The following PRKG1 variants were observed in gnomAD, a reference collection of about 807,000 sequenced individuals.
PRKG1 encodes the protein protein kinase cGMP-dependent 1, also known as cGMP-dependent protein kinase 1.
In PRKG1, 35 loss-of-function variants were observed where a neutral mutation model predicts 88.1. The observed-to-expected ratio is 0.40, with a 90% CI of 0.30 to 0.53. The LOEUF (loss-of-function observed/expected upper bound fraction) is 0.53, where lower values mean the gene tolerates loss of function less well. PRKG1 is among the 20% of genes least tolerant of loss of function. The probability of loss-of-function intolerance (pLI) is 0.59; values close to 1 mark genes in which losing one functional copy is unlikely to be tolerated. For missense variants in PRKG1, 540 were observed against 839.8 expected (o/e 0.64, Z 4.41); for synonymous variants, 303 against 292.5 (o/e 1.04, Z -0.37).
chr10:51,836,878 G>A lies in PRKG1; in HGVS notation c.698+32188G>A, dbSNP rs149311752. ...AGAGGGTTGTGTTGAAAGGGTGCAC[G>A]GAGCATTTTAAAAAAATTGCTTTAG... is the stretch of plus-strand genomic sequence containing the variant. On this transcript the variant is annotated intron_variant, in intron 4 of 17. Coordinates refer to ENST00000373980, the MANE Select transcript of PRKG1 (RefSeq NM_006258.4). Among the ~76,000 whole-genome samples, 33 of 152,230 alleles carry A rather than the reference G, an allele frequency of 2.2e-4. No individual in the cohort carries two copies. In the East Asian group the frequency reaches 5.2e-3, roughly 24 times the overall value.
intron 4 of PRKG1, among the ~76,000 whole-genome samples, chr10:51,815,753 C>T (rs1937718): frequency 0.21 from 32,604 of 152,006 alleles, 5,622 homozygotes; most frequent in African/African-American, 0.48. Flanking sequence ...TTTACCAAGG[C>T]GAACTCTTAA....
chr10:52,123,416 C>T (rs181624217), intron 7 of PRKG1, among the ~76,000 whole-genome samples: 66 of 152,144 alleles, frequency 4.3e-4, no homozygotes, highest in Admixed American at 1.2e-3. Flanking sequence ...GGTCATGTTA[C>T]GAGTCCATAT....
At chr10:51,489,818 G>T (rs1589011019) in intron 3 of PRKG1, among the ~76,000 whole-genome samples, 1 of 152,184 alleles carries the variant, frequency 6.6e-6, no homozygotes, top group South Asian at 2.1e-4. Context: ...AATAGGACAT[G>T]AACTGAAGAG....
intron 9 of PRKG1, among the ~76,000 whole-genome samples, chr10:52,185,704 C>A (rs952336729): frequency 5.9e-5 from 9 of 152,226 alleles, no homozygotes; most frequent in African/African-American, 1.9e-4. Context: ...TATACATCCT[C>A]TGAAATCTAG....
chr10:51,262,384 C>T (rs1193210043), intron 2 of PRKG1, among the ~76,000 whole-genome samples: 1 of 152,104 alleles, frequency 6.6e-6, no homozygotes, highest in African/African-American at 2.4e-5. Flanking sequence ...CACCATATGA[C>T]ATCCTTATCA....
At chr10:51,591,335 C>T (rs1838307638) in intron 3 of PRKG1, among the ~76,000 whole-genome samples, 1 of 152,172 alleles carries the variant, frequency 6.6e-6, no homozygotes, top group South Asian at 2.1e-4. Context: ...TCTACATTAT[C>T]ACAGATCAAA....
At chr10:51,347,183 G>A (rs369670282) in intron 2 of PRKG1, among the ~76,000 whole-genome samples, 2 of 151,518 alleles carry the variant, frequency 1.3e-5, no homozygotes, top group East Asian at 3.9e-4. Flanking sequence ...ATCAATAAGA[G>A]TCACTAGAAG....
chr10:52,138,968 G>A (rs61046355), intron 8 of PRKG1, among the ~76,000 whole-genome samples: 2,887 of 152,098 alleles, frequency 0.019, 86 homozygotes, highest in African/African-American at 0.056. Flanking sequence ...TAATAAAGTA[G>A]CAAATATATT....
intron 2 of PRKG1, among the ~76,000 whole-genome samples, chr10:51,154,109 T>A (rs2131976811): frequency 6.6e-6 from 1 of 152,158 alleles, no homozygotes; most frequent in Admixed American, 6.6e-5. Context: ...ATTAATGTTT[T>A]ATCCAAAACA....
rs562824783 is a variant in PRKG1, at chr10:51,990,080, G to C, written c.763-64404G>C. Among the ~76,000 whole-genome samples the C allele has an allele frequency of 6.6e-5, 10 of 152,160 alleles. No individual in the cohort carries two copies. The South Asian group carries it at 2.1e-3, about 32-fold the overall frequency. The stretch of plus-strand genomic sequence containing the variant: ...TTATTTCAACACTATTTATTGAAGA[G>C]ACTGCCCTTTCCTCACTGTACATTC... On this transcript the variant is annotated intron_variant, in intron 5 of 17. Coordinates refer to ENST00000373980, the MANE Select transcript of PRKG1 (RefSeq NM_006258.4).
intron 2 of PRKG1, among the ~76,000 whole-genome samples, chr10:51,313,182 G>A (rs866692682): frequency 1.3e-4 from 20 of 152,030 alleles, no homozygotes; most frequent in African/African-American, 4.6e-4. Context: ...AATTTGTGGA[G>A]TCTTGGGCAA....
intron 3 of PRKG1, chr10:51,698,648 T>C: frequency 1.2e-6 from 2 of 1,614,112 alleles, no homozygotes; most frequent in Non-Finnish European, 1.7e-6. Flanking sequence ...TTGTCCCCGC[T>C]CTAAAGGCAC....
chr10:52,171,742 C>G (rs1422704554), intron 9 of PRKG1, among the ~76,000 whole-genome samples: 1 of 140,012 alleles, frequency 7.1e-6, no homozygotes, highest in East Asian at 2.2e-4. Flanking sequence ...ATTTTCAGGA[C>G]AAAACTACTC....
In PRKG1 at chr10:51,349,454, T is replaced by TTGTGTG. The variant is rs34302728; in HGVS notation, c.479-118245_479-118240dup. 4.4e-3 allele frequency among the ~76,000 whole-genome samples: 429 copies of TTGTGTG among 97,420 alleles called. 1 individual carries two copies. The highest frequency in any genetic ancestry group is 0.024 in the East Asian group (101 of 4,256). 63.9% of individuals were successfully genotyped at this position (97,420 alleles called of 152,430 possible). A position where few individuals can be genotyped will look rare whatever the true frequency, so the allele number is the denominator to read the frequency against. ...ATTGTTTACTTTGAGTTCATATTGT[T>TTGTGTG]TGTGTGTGTGTGTGTGTGTGTGTGT... On this transcript the variant is annotated intron_variant, in intron 2 of 17. Coordinates refer to ENST00000373980, the MANE Select transcript of PRKG1 (RefSeq NM_006258.4).
intron 3 of PRKG1, among the ~76,000 whole-genome samples, chr10:51,633,200 A>C (rs1839570413): frequency 6.6e-6 from 1 of 152,098 alleles, no homozygotes; most frequent in Admixed American, 6.5e-5. Context: ...AGAGGCAACC[A>C]CTCACATATT....
At chr10:51,242,715 T>C (rs116641882) in intron 2 of PRKG1, among the ~76,000 whole-genome samples, 200 of 152,250 alleles carry the variant, frequency 1.3e-3, no homozygotes, top group African/African-American at 4.8e-3. Flanking sequence ...AGCAGGAAGA[T>C]TGTAATTGAC....
intron 2 of PRKG1, among the ~76,000 whole-genome samples, chr10:51,374,657 T>G (rs374477859): frequency 1.3e-5 from 2 of 152,126 alleles, no homozygotes; most frequent in African/African-American, 4.8e-5. Context: ...GGTGCCATCT[T>G]GGAAGCAGAG....
chr10:51,579,015 A>T, intron 3 of PRKG1, among the ~76,000 whole-genome samples: 1 of 90,794 alleles, frequency 1.1e-5, no homozygotes, highest in African/African-American at 4.6e-5. Flanking sequence ...TTTTAGACAG[A>T]GTCTCACCCA....
intron 4 of PRKG1, among the ~76,000 whole-genome samples, chr10:51,872,088 T>C (rs1841172690): frequency 1.3e-5 from 2 of 152,194 alleles, no homozygotes; most frequent in Admixed American, 6.5e-5. Flanking sequence ...TCTTCATTTG[T>C]TTTGCGTACT....
Sources: gnomAD v4.1 joint callset for allele counts (sites outside exome capture counted in the v4.1 genomes callset) on GRCh38, gnomAD v4.1.1 for gene constraint, MANE v1.5 for transcripts, NCBI Gene and HGNC (gene_info 2026-07-23, HGNC 2026-07-21) for gene names.